The following POMP variants were observed in gnomAD, a reference collection of about 807,000 sequenced individuals.
POMP encodes the protein proteasome maturation protein.
Under a neutral mutation model 20.6 loss-of-function variants are expected in POMP, and 12 were observed. The ratio of observed to expected loss-of-function variants is 0.58; its 90% CI spans 0.37 to 0.94. The LOEUF is 0.94. Ranked by LOEUF, POMP falls within the 40% of genes least tolerant of loss-of-function variation. The pLI is 0.01. For missense variants in POMP, 136 were observed against 161.1 expected (o/e 0.84, Z 0.84); for synonymous variants, 53 against 55.0 (o/e 0.96, Z 0.16).
At chr13:28,672,872 G>T (rs1771183) in intron 5 of POMP, among the ~76,000 whole-genome samples, 2 of 152,092 alleles carry the variant, frequency 1.3e-5, no homozygotes, top group East Asian at 1.9e-4. Context: ...TTCCTAGGGT[G>T]ACTTAAACAA....
chr13:28,678,806 C>T lies in POMP; in HGVS notation c.*704C>T, dbSNP rs892086632. 1 of 152,132 alleles carries T rather than the reference C, an allele frequency of 6.6e-6. No individual in the cohort carries two copies. The highest frequency in any genetic ancestry group is 1.5e-5 in the Non-Finnish European group (1 of 68,062). 9.4% of individuals were successfully genotyped at this position (152,132 alleles called of 1,614,324 possible). A position where few individuals can be genotyped will look rare whatever the true frequency, so the allele number is the denominator to read the frequency against. ...TTTCTTGTTCTTAATTTATATATTA[C>T]AAGATACTGTAAGGTATTCTTTATG... is the stretch of plus-strand genomic sequence containing the variant. On this transcript the variant is annotated 3_prime_UTR_variant, in exon 6 of 6. Transcript: ENST00000380842.
At chr13:28,671,712 G>A (rs1203507420) in intron 4 of POMP, among the ~76,000 whole-genome samples, 1 of 150,784 alleles carries the variant, frequency 6.6e-6, no homozygotes, top group East Asian at 2.0e-4. Flanking sequence ...TGGAACATTA[G>A]TAATTGAAAA....
At chr13:28,673,087 T>TC (rs1489143984) in intron 5 of POMP, among the ~76,000 whole-genome samples, 4 of 148,968 alleles carry the variant, frequency 2.7e-5, no homozygotes, top group African/African-American at 5.1e-5. Context: ...TTTTTTTTTT[T>TC]CAAGATGGAG....
At chr13:28,675,020 C>T (rs991993943) in intron 5 of POMP, among the ~76,000 whole-genome samples, 2 of 152,136 alleles carry the variant, frequency 1.3e-5, no homozygotes, top group African/African-American at 4.8e-5. Flanking sequence ...GCCTGGGCGA[C>T]AGAGTGAAAC....
At chr13:28,675,143 AT>A (rs368292851) in intron 5 of POMP, among the ~76,000 whole-genome samples, 1 of 150,646 alleles carries the variant, frequency 6.6e-6, no homozygotes, top group African/African-American at 2.5e-5. Context: ...GTTTAGGTAG[AT>A]TTTTTTTGTT....
chr13:28,668,717 C>T, intron 4 of POMP, 143 bp downstream of exon 4: 1 of 692,776 alleles, frequency 1.4e-6, no homozygotes, highest in Non-Finnish European at 2.5e-6. Context: ...TTGATTTCTA[C>T]TTCATAGAGG....
At chr13:28,674,566 G>A (rs371305719) in intron 5 of POMP, among the ~76,000 whole-genome samples, 2 of 152,276 alleles carry the variant, frequency 1.3e-5, no homozygotes, top group South Asian at 2.1e-4. Context: ...CCATATGGCT[G>A]GCATGTTTTG....
chr13:28,678,012 T>C (rs1318924149), intron 5 of POMP, 23 bp from the exon 6 acceptor site: 4 of 1,607,970 alleles, frequency 2.5e-6, no homozygotes, highest in Middle Eastern at 1.7e-4. Flanking sequence ...TCTTTTAAAA[T>C]GTTTGTTTTT....
chr13:28,672,787 A>G (rs898205853), intron 5 of POMP, among the ~76,000 whole-genome samples: 1 of 152,194 alleles, frequency 6.6e-6, no homozygotes, highest in African/African-American at 2.4e-5. Flanking sequence ...CTAAGAGTAC[A>G]TAGTCATTTC....
In POMP at chr13:28,668,584, T is replaced by G. The variant is rs912935156; in HGVS notation, c.264+10T>G. ...CAAGGCAGTGCAGCAGGTGAGTTGA[T>G]GGATCTCTGTTGCATATGTGTCGAT... On this transcript the variant is annotated intron_variant, in intron 4 of 5. Coordinates refer to ENST00000380842, the MANE Select transcript of POMP (RefSeq NM_015932.6). 1 of 1,560,562 alleles carries G rather than the reference T, an allele frequency of 6.4e-7. No homozygotes were observed.
intron 2 of POMP, 79 bp downstream of exon 2, chr13:28,662,586 T>C: frequency 8.5e-7 from 1 of 1,178,376 alleles, no homozygotes; most frequent in Non-Finnish European, 1.3e-6. Context: ...TTTGATAGGC[T>C]ATACATGTGT....
At chr13:28,660,395 G>A (rs1377846663) in intron 1 of POMP, among the ~76,000 whole-genome samples, 1 of 152,202 alleles carries the variant, frequency 6.6e-6, no homozygotes, top group Non-Finnish European at 1.5e-5. Context: ...TTTTAATAAA[G>A]TAGGCTTTGT....
At chr13:28,659,979 G>T (rs1231059776) in intron 1 of POMP, 3 of 152,200 alleles carry the variant, frequency 2.0e-5, no homozygotes, top group African/African-American at 7.2e-5. Flanking sequence ...GTAACTAGTA[G>T]TTAGGTTTTC....
At chr13:28,674,704 T>G (rs1566110871) in intron 5 of POMP, among the ~76,000 whole-genome samples, 1 of 152,138 alleles carries the variant, frequency 6.6e-6, no homozygotes, top group Non-Finnish European at 1.5e-5. Flanking sequence ...ATTGAGCAGT[T>G]TTAAGTAAGG....
intron 3 of POMP, among the ~76,000 whole-genome samples, 187 bp downstream of exon 3, chr13:28,664,756 T>C (rs144039130): frequency 8.0e-4 from 122 of 152,326 alleles, no homozygotes; most frequent in African/African-American, 2.6e-3. Context: ...TCCCTTTCTA[T>C]GCGTTCTTAC....
chr13:28,670,938 T>G (rs1387459432), intron 4 of POMP, among the ~76,000 whole-genome samples: 2 of 152,088 alleles, frequency 1.3e-5, no homozygotes, highest in Non-Finnish European at 2.9e-5. Flanking sequence ...TCCCAGCTAC[T>G]CGGGAGGCTG....
intron 5 of POMP, 58 bp downstream of exon 5, chr13:28,672,490 G>A: frequency 7.5e-7 from 1 of 1,341,876 alleles, no homozygotes; most frequent in South Asian, 1.2e-5. Context: ...GCAAACAGCT[G>A]CAAAAAGAAT....
chr13:28,672,094 C>G (rs1884557972), intron 4 of POMP, among the ~76,000 whole-genome samples: 1 of 152,186 alleles, frequency 6.6e-6, no homozygotes. Flanking sequence ...TGAGCAGAAG[C>G]AAAGCCTCAA....
intron 3 of POMP, 95 bp downstream of exon 3, chr13:28,664,664 G>A: frequency 1.3e-6 from 1 of 789,972 alleles, no homozygotes; most frequent in Non-Finnish European, 2.0e-6. Flanking sequence ...TTGGTACTGA[G>A]GATTTGCCCA....
Sources: allele counts gnomAD v4.1 joint callset (sites outside exome capture counted in the v4.1 genomes callset), GRCh38; gene constraint gnomAD v4.1.1; transcripts MANE v1.5; gene names NCBI Gene and HGNC (gene_info 2026-07-23, HGNC 2026-07-21).